The following SPTLC3 variants were observed in gnomAD, a reference collection of about 807,000 sequenced individuals.
SPTLC3 encodes the protein serine palmitoyltransferase long chain base subunit 3, also known as serine palmitoyltransferase 3.
Under a neutral mutation model 59.3 loss-of-function variants are expected in SPTLC3, and 36 were observed. The ratio of observed to expected loss-of-function variants is 0.61; its 90% CI spans 0.47 to 0.80. The LOEUF (loss-of-function observed/expected upper bound fraction) is 0.80, where lower values mean the gene tolerates loss of function less well. Among genes scored for constraint, SPTLC3 ranks in the 30% least tolerant of loss-of-function variants. The pLI is 0.00. For missense variants in SPTLC3, 625 were observed against 685.1 expected (o/e 0.91, Z 0.98); for synonymous variants, 257 against 240.8 (o/e 1.07, Z -0.62).
chr20:13,011,847 C>T (rs1985272039), intron 1 of SPTLC3, among the ~76,000 whole-genome samples: 1 of 151,972 alleles, frequency 6.6e-6, no homozygotes, highest in African/African-American at 2.4e-5. Flanking sequence ...CTACCTTTTA[C>T]TTGTAACAGG....
At chr20:13,044,490 C>T (rs868369168) in intron 1 of SPTLC3, among the ~76,000 whole-genome samples, 17 of 152,238 alleles carry the variant, frequency 1.1e-4, no homozygotes, top group African/African-American at 4.1e-4. Context: ...GTCCCTTTTG[C>T]TAGAGTCTGG....
intron 1 of SPTLC3, among the ~76,000 whole-genome samples, chr20:13,035,210 A>G (rs1372896907): frequency 3.3e-5 from 5 of 152,152 alleles, no homozygotes; most frequent in Middle Eastern, 3.2e-3. Flanking sequence ...TGGACACTCA[A>G]TGAGACTTGG....
At chr20:13,052,604 C>T (rs1987543178) in intron 2 of SPTLC3, among the ~76,000 whole-genome samples, 1 of 152,110 alleles carries the variant, frequency 6.6e-6, no homozygotes, top group African/African-American at 2.4e-5. Flanking sequence ...TTCAGTGGAT[C>T]CCACCCCCAC....
chr20:13,150,373 T>TAC (rs1442526741), intron 9 of SPTLC3, among the ~76,000 whole-genome samples: 2 of 152,202 alleles, frequency 1.3e-5, no homozygotes, highest in African/African-American at 4.8e-5. Flanking sequence ...CATATATATA[T>TAC]ACACAGATGT....
rs1017543583 is a variant in SPTLC3 at position 13,132,667 on chromosome 20, CCT to C, written c.1279+5953_1279+5954del. On this transcript the variant is annotated intron_variant, in intron 9 of 11. Coordinates refer to ENST00000399002, the MANE Select transcript of SPTLC3 (RefSeq NM_018327.4). ...TATTGAAAGAATTCTTCTCGCTATCCCTCTTACCTCAGCAAATAAACAGCTCT... is the reference window on the plus strand; with the variant it reads ...TATTGAAAGAATTCTTCTCGCTATCCCTTACCTCAGCAAATAAACAGCTCT... Among the ~76,000 whole-genome samples the C allele has an allele frequency of 9.2e-5, 14 of 152,222 alleles. No individual in the cohort carries two copies. In the East Asian group the frequency reaches 2.7e-3, roughly 29 times the overall value.
intron 2 of SPTLC3, among the ~76,000 whole-genome samples, chr20:13,065,060 A>G (rs185739698): frequency 3.5e-4 from 53 of 152,162 alleles, no homozygotes; most frequent in African/African-American, 1.1e-3. Context: ...ACTCCTTCAC[A>G]GTGTCTCAGA....
rs2038069566 is a variant in SPTLC3 at position 13,129,379 on chromosome 20, T to C, written c.1279+2662T>C. Among the ~76,000 whole-genome samples, 3 of 152,198 alleles carry C rather than the reference T, an allele frequency of 2.0e-5. No homozygotes were observed. The South Asian group carries it at 6.2e-4, about 31-fold the overall frequency. On this transcript the variant is annotated intron_variant, in intron 9 of 11. Transcript: ENST00000399002. ...TTTCCTCCACAAGCTTTCTGCTGTA[T>C]GAAAAACTGTTCTGGAACTACTGGC...
At position 13,117,529 on chromosome 20, in the gene SPTLC3, T is replaced by C. The variant is rs75310104; in HGVS notation, c.956T>C (p.Leu319Pro). The C allele has an allele frequency of 6.2e-7, 1 of 1,600,268 alleles. No individual in the cohort carries two copies. Among genetic ancestry groups the C allele is most frequent in the East Asian group, 2.2e-5 (1 of 44,674 alleles). The part of the protein sequence containing the change: ...VYSMEGSIVH[L>P]PQIIALKKKY... ...AGCATGGAAGGTTCCATCGTGCATC[T>C]GCCCCAGATCATAGCTCTAAAGAAG... The change falls in exon 8 of 12, where the codon CTG becomes CCG. Residue 319 changes from leucine to proline, a missense_variant. Transcript: ENST00000399002.
At chr20:13,037,631 A>G (rs1345756481) in intron 1 of SPTLC3, among the ~76,000 whole-genome samples, 1 of 152,152 alleles carries the variant, frequency 6.6e-6, no homozygotes. Flanking sequence ...ATCTCTTACA[A>G]TCTTTGAAGG....
intron 1 of SPTLC3, among the ~76,000 whole-genome samples, chr20:13,031,618 T>A (rs1020268148): frequency 6.6e-6 from 1 of 152,194 alleles, no homozygotes; most frequent in African/African-American, 2.4e-5. Context: ...ATTTTGCACA[T>A]GGTTTCTCTC....
At chr20:13,038,509 G>T (rs1191597716) in intron 1 of SPTLC3, among the ~76,000 whole-genome samples, 2 of 151,990 alleles carry the variant, frequency 1.3e-5, no homozygotes, top group Non-Finnish European at 2.9e-5. Flanking sequence ...TGTTATTTCT[G>T]TAAGAACAGC....
chr20:13,032,696 A>G (rs6033580), intron 1 of SPTLC3, among the ~76,000 whole-genome samples: 7,473 of 151,876 alleles, frequency 0.049, 609 homozygotes, highest in African/African-American at 0.17. Flanking sequence ...TCTGCTGGGG[A>G]CTCAATTTAG....
At chr20:13,141,400 A>T (rs190847287) in intron 9 of SPTLC3, among the ~76,000 whole-genome samples, 6 of 152,306 alleles carry the variant, frequency 3.9e-5, no homozygotes, top group Non-Finnish European at 7.3e-5. Flanking sequence ...ATGATAATTC[A>T]CACTTGGTTT....
chr20:13,088,321 GTTGT>G (rs1989074366), intron 4 of SPTLC3, among the ~76,000 whole-genome samples: 1 of 151,948 alleles, frequency 6.6e-6, no homozygotes, highest in Non-Finnish European at 1.5e-5. Context: ...TGTTGTTGTT[GTTGT>G]TTGTTTTTGT....
In SPTLC3 at chr20:13,074,297, G is replaced by A. The variant is rs376186096; in HGVS notation, c.459-52G>A. On this transcript the variant is annotated intron_variant, in intron 3 of 11. Transcript: ENST00000399002. ...TCTTCCACCAGGGATTTTTTGAATCGTGCATAATCCTGGGGAGGGGATTAT... is the reference window on the plus strand; with the variant it reads ...TCTTCCACCAGGGATTTTTTGAATCATGCATAATCCTGGGGAGGGGATTAT... 215 of 1,596,368 alleles carry A rather than the reference G, an allele frequency of 1.3e-4. 2 individuals carry two copies. The African/African-American group carries it at 2.0e-3, about 15-fold the overall frequency.
intron 1 of SPTLC3, among the ~76,000 whole-genome samples, chr20:13,046,254 A>G (rs550288317): frequency 1.3e-5 from 2 of 152,152 alleles, no homozygotes; most frequent in South Asian, 2.1e-4. Flanking sequence ...TGTGGCCCGT[A>G]GTAATTGACT....
In SPTLC3 at chr20:13,025,652, C is replaced by T. The variant is rs535574044; in HGVS notation, c.117+16268C>T. On this transcript the variant is annotated intron_variant, in intron 1 of 11. Coordinates refer to ENST00000399002, the MANE Select transcript of SPTLC3 (RefSeq NM_018327.4). ...CCTTGCAAGAATCTGCCTTATGTCC[C>T]TCTCTGCCCCTTCTTTGGTGAAACA... 7.2e-5 allele frequency among the ~76,000 whole-genome samples: 11 copies of T among 152,288 alleles called. No homozygotes were observed. The East Asian group carries it at 1.4e-3, about 19-fold the overall frequency.
intron 5 of SPTLC3, among the ~76,000 whole-genome samples, chr20:13,092,019 A>G (rs186334620): frequency 6.6e-6 from 1 of 152,330 alleles, no homozygotes; most frequent in Admixed American, 6.5e-5. Flanking sequence ...AAATAGGACA[A>G]ATACCATAGA....
intron 9 of SPTLC3, among the ~76,000 whole-genome samples, chr20:13,135,351 A>T (rs2038217555): frequency 6.6e-6 from 1 of 152,180 alleles, no homozygotes; most frequent in African/African-American, 2.4e-5. Context: ...GGATCTACTT[A>T]ACTCATGCTA....
Sources: allele counts gnomAD v4.1 joint callset (sites outside exome capture counted in the v4.1 genomes callset), GRCh38; gene constraint gnomAD v4.1.1; transcripts MANE v1.5; gene names NCBI Gene and HGNC (gene_info 2026-07-23, HGNC 2026-07-21).